PPP3CA: variants seen among roughly 807,000 people sequenced by gnomAD.
PPP3CA encodes protein phosphatase 3 catalytic subunit alpha.
PPP3CA carries 14 observed loss-of-function variants against 66.5 expected under a neutral mutation model. That is an observed-to-expected ratio of 0.21 (90% CI 0.14 to 0.33). The LOEUF (loss-of-function observed/expected upper bound fraction) is 0.33. PPP3CA is among the 10% of genes least tolerant of loss of function. PPP3CA has a pLI of 1.00. For missense variants in PPP3CA, 317 were observed against 639.5 expected (o/e 0.50, Z 5.44); for synonymous variants, 232 against 226.2 (o/e 1.03, Z -0.23).
chr4:101,087,650 A>C lies in PPP3CA; in HGVS notation c.783-4387T>G, dbSNP rs550019772. On this transcript the variant is annotated intron_variant, in intron 6 of 13. Transcript: ENST00000394854. ...CCATGTTGTTATGTGTAGTTTTAGT[A>C]AGCTCATTCTCATTTGCTGTATTTA... Among the ~76,000 whole-genome samples, 5 of 152,252 alleles carry C rather than the reference A, an allele frequency of 3.3e-5. No individual in the cohort carries two copies. In the South Asian group the frequency reaches 1.0e-3, roughly 32 times the overall value.
At chr4:101,034,033 C>T (rs1727132820) in intron 11 of PPP3CA, among the ~76,000 whole-genome samples, 2 of 152,100 alleles carry the variant, frequency 1.3e-5, no homozygotes, top group Admixed American at 1.3e-4. Flanking sequence ...GCTTTTCATA[C>T]CTATGCCAAA....
chr4:101,285,019 G>A (rs190661540), intron 1 of PPP3CA, among the ~76,000 whole-genome samples: 8 of 151,966 alleles, frequency 5.3e-5, no homozygotes, highest in Non-Finnish European at 7.4e-5. Context: ...CTTAAGAAAC[G>A]TATTGTTTCT....
rs534951412 is a variant in PPP3CA at position 101,307,371 on chromosome 4, G to A, written c.58+39368C>T. On this transcript the variant is annotated intron_variant, in intron 1 of 13. Coordinates refer to ENST00000394854, the MANE Select transcript of PPP3CA (RefSeq NM_000944.5). ...AATAGCTGCCATATGTCAAGTATTT[G>A]GGAGCTTTTACCTTCGAAACAATTC... 2.4e-4 allele frequency among the ~76,000 whole-genome samples: 36 copies of A among 152,084 alleles called. 1 individual carries two copies. Among genetic ancestry groups the A allele is most frequent in the Non-Finnish European group, 4.4e-5 (3 of 68,020 alleles).
intron 1 of PPP3CA, among the ~76,000 whole-genome samples, chr4:101,335,620 A>G (rs1331563409): frequency 6.6e-6 from 1 of 152,190 alleles, no homozygotes; most frequent in Non-Finnish European, 1.5e-5. Flanking sequence ...AAAAATAACA[A>G]GGGAATTTCA....
intron 1 of PPP3CA, among the ~76,000 whole-genome samples, chr4:101,306,972 G>C (rs1006395638): frequency 2.0e-5 from 3 of 152,088 alleles, no homozygotes; most frequent in African/African-American, 7.2e-5. Flanking sequence ...TGCTTCAGTA[G>C]TATTTATTGA....
At chr4:101,332,062 G>A (rs557283364) in intron 1 of PPP3CA, among the ~76,000 whole-genome samples, 1 of 152,222 alleles carries the variant, frequency 6.6e-6, no homozygotes. Context: ...TAGGTTAGAA[G>A]TATTTAAAAG....
intron 1 of PPP3CA, among the ~76,000 whole-genome samples, chr4:101,259,056 T>C (rs1269405560): frequency 6.6e-6 from 1 of 151,968 alleles, no homozygotes; most frequent in African/African-American, 2.4e-5. Context: ...GAACCAGAGG[T>C]GTTCTTCAGT....
chr4:101,273,078 T>C (rs2110268421), intron 1 of PPP3CA, among the ~76,000 whole-genome samples: 1 of 152,254 alleles, frequency 6.6e-6, no homozygotes, highest in South Asian at 2.1e-4. Context: ...AGGACAAGAA[T>C]TTTATAAATT....
At position 101,276,840 on chromosome 4, in the gene PPP3CA, T is replaced by A. The variant is rs1490410356; in HGVS notation, c.58+69899A>T. ...AACATCTTGCATTAGTACTGTATAT[T>A]TGTTGAAATTAATTGCTGAGCCAGC... On this transcript the variant is annotated intron_variant, in intron 1 of 13. Transcript: ENST00000394854. Among the ~76,000 whole-genome samples the A allele has an allele frequency of 2.6e-5, 4 of 152,218 alleles. No homozygotes were observed. The South Asian group carries it at 8.3e-4, about 31-fold the overall frequency.
At chr4:101,030,962 T>TG (rs1256046754) in intron 12 of PPP3CA, among the ~76,000 whole-genome samples, 16 of 13,360 alleles carry the variant, frequency 1.2e-3, no homozygotes, top group Non-Finnish European at 2.7e-3. Context: ...TTTGTGTGTG[T>TG]TTTTTTTTTA....
chr4:101,333,269 A>ATTTTTTTTTTTTTT (rs1729497153), intron 1 of PPP3CA, among the ~76,000 whole-genome samples: 1 of 66,436 alleles, frequency 1.5e-5, no homozygotes. Context: ...TACCATGCCC[A>ATTTTTTTTTTTTTT]GTTTTTTTTT....
intron 6 of PPP3CA, among the ~76,000 whole-genome samples, chr4:101,087,678 T>C (rs1729730845): frequency 2.6e-5 from 4 of 152,168 alleles, no homozygotes; most frequent in Admixed American, 2.6e-4. Flanking sequence ...TGTATTTAGT[T>C]GTATAAATAT....
intron 2 of PPP3CA, among the ~76,000 whole-genome samples, chr4:101,144,125 G>A (rs1036428745): frequency 6.6e-6 from 1 of 152,130 alleles, no homozygotes; most frequent in Non-Finnish European, 1.5e-5. Context: ...TTCAAGCGCT[G>A]TCTGGACCAT....
intron 1 of PPP3CA, among the ~76,000 whole-genome samples, chr4:101,311,593 A>G: frequency 6.6e-6 from 1 of 152,144 alleles, no homozygotes; most frequent in Non-Finnish European, 1.5e-5. Context: ...CAGCCTGGCC[A>G]ACACGGCGAA....
chr4:101,197,710 T>C (rs914033379), intron 1 of PPP3CA, among the ~76,000 whole-genome samples: 9 of 152,202 alleles, frequency 5.9e-5, no homozygotes, highest in African/African-American at 2.2e-4. Context: ...AACTGTAAGA[T>C]GAGTAAGGCA....
intron 8 of PPP3CA, among the ~76,000 whole-genome samples, chr4:101,066,621 A>G (rs1728692358): frequency 6.6e-6 from 1 of 152,132 alleles, no homozygotes; most frequent in African/African-American, 2.4e-5. Flanking sequence ...GAATAACCTT[A>G]CATTAGTAAG....
chr4:101,202,077 G>A (rs1270823836), intron 1 of PPP3CA, among the ~76,000 whole-genome samples: 1 of 152,116 alleles, frequency 6.6e-6, no homozygotes, highest in Admixed American at 6.5e-5. Context: ...CAAGTTTAAA[G>A]ATGATGAGAA....
intron 1 of PPP3CA, among the ~76,000 whole-genome samples, chr4:101,233,592 T>C (rs13117915): frequency 0.67 from 101,584 of 151,522 alleles, 34,955 homozygotes; most frequent in Middle Eastern, 0.76. Context: ...TTACTTTTCA[T>C]TTTCTATTAT....
At chr4:101,282,915 A>T (rs1727731505) in intron 1 of PPP3CA, among the ~76,000 whole-genome samples, 1 of 152,194 alleles carries the variant, frequency 6.6e-6, no homozygotes. Context: ...TTTTAAGTAA[A>T]TGCCTTTCTT....
Sources: allele counts gnomAD v4.1 joint callset (sites outside exome capture counted in the v4.1 genomes callset), GRCh38; gene constraint gnomAD v4.1.1; transcripts MANE v1.5; gene names NCBI Gene and HGNC (gene_info 2026-07-23, HGNC 2026-07-21).